IKZF3: variants seen among roughly 807,000 people sequenced by gnomAD.
IKZF3 encodes IKAROS family zinc finger 3.
In IKZF3, 10 loss-of-function variants were observed where a neutral mutation model predicts 49.0. The observed-to-expected ratio is 0.20, with a 90% CI of 0.13 to 0.35. The LOEUF (loss-of-function observed/expected upper bound fraction) is 0.35, where lower values mean the gene tolerates loss of function less well. IKZF3 is among the 10% of genes least tolerant of loss of function. The probability of loss-of-function intolerance (pLI) is 1.00; values close to 1 mark genes in which losing one functional copy is unlikely to be tolerated. For synonymous variants in IKZF3, 209 were observed against 228.2 expected, an observed-to-expected ratio of 0.92 and a Z score of 0.76; for missense variants, 498 against 664.8, an observed-to-expected ratio of 0.75 and a Z score of 2.76.
chr17:39,779,457 A>C lies in IKZF3; in HGVS notation c.710-1690T>G, dbSNP rs377346259. Among the ~76,000 whole-genome samples the C allele has an allele frequency of 8.5e-5, 13 of 152,264 alleles. No homozygotes were observed. In the South Asian group the frequency reaches 2.7e-3, roughly 32 times the overall value. ...GCCTGGGCAATAAGAGCAAAACTCC[A>C]TCTCCAAAAAATAAATAAATTAATT... On this transcript the variant is annotated intron_variant, in intron 6 of 7. Transcript: ENST00000346872.
intron 3 of IKZF3, 128 bp downstream of exon 3, chr17:39,829,259 A>T: frequency 1.6e-6 from 1 of 613,806 alleles, no homozygotes; most frequent in Non-Finnish European, 2.8e-6. Flanking sequence ...TTGTGAAATT[A>T]ACAAAACAGA....
intron 1 of IKZF3, chr17:39,839,436 T>C: frequency 1.7e-6 from 1 of 592,464 alleles, no homozygotes; most frequent in East Asian, 4.2e-5. Context: ...ATTACCAGTT[T>C]TCATCTAAAT....
intron 7 of IKZF3, among the ~76,000 whole-genome samples, chr17:39,774,873 G>A (rs183732861): frequency 9.8e-5 from 15 of 152,292 alleles, no homozygotes; most frequent in African/African-American, 3.6e-4. Flanking sequence ...CTAGGATATG[G>A]TTTATAGCAT....
intron 3 of IKZF3, among the ~76,000 whole-genome samples, chr17:39,813,871 C>T (rs2061618104): frequency 6.6e-6 from 1 of 152,160 alleles, no homozygotes; most frequent in African/African-American, 2.4e-5. Context: ...AACGGCACTT[C>T]CTTTTGAAGC....
At chr17:39,787,661 T>TG (rs2060905421) in intron 6 of IKZF3, among the ~76,000 whole-genome samples, 2 of 152,244 alleles carry the variant, frequency 1.3e-5, no homozygotes, top group Non-Finnish European at 2.9e-5. Context: ...CTTGCTTGAA[T>TG]TATTGCAATG....
chr17:39,845,928 A>C (rs2062619486), intron 1 of IKZF3, among the ~76,000 whole-genome samples: 1 of 152,234 alleles, frequency 6.6e-6, no homozygotes, highest in Non-Finnish European at 1.5e-5. Flanking sequence ...TATCCAGATA[A>C]AATATTTTTA....
chr17:39,798,812 TAC>T (rs1203156222), intron 3 of IKZF3, among the ~76,000 whole-genome samples: 1 of 152,110 alleles, frequency 6.6e-6, no homozygotes, highest in Non-Finnish European at 1.5e-5. Flanking sequence ...GCCACTGTCC[TAC>T]ACATTTTTAA....
chr17:39,775,419 C>T (rs888863975), intron 7 of IKZF3, among the ~76,000 whole-genome samples: 17 of 152,116 alleles, frequency 1.1e-4, no homozygotes, highest in Non-Finnish European at 2.2e-4. Context: ...AGCAAACAAA[C>T]GAAATAGATC....
intron 6 of IKZF3, among the ~76,000 whole-genome samples, chr17:39,783,942 A>AAAAAC (rs1345342159): frequency 6.6e-6 from 1 of 152,140 alleles, no homozygotes; most frequent in Non-Finnish European, 1.5e-5. Context: ...ACAAAAAACA[A>AAAAAC]AAAACAAAAC....
intron 1 of IKZF3, among the ~76,000 whole-genome samples, chr17:39,858,692 C>T (rs2063135736): frequency 6.6e-6 from 1 of 151,878 alleles, no homozygotes; most frequent in Admixed American, 6.6e-5. Flanking sequence ...TTAAATATCT[C>T]CTGGATTGGA....
intron 4 of IKZF3, 100 bp downstream of exon 4, chr17:39,792,573 A>G: frequency 8.0e-7 from 1 of 1,254,588 alleles, no homozygotes; most frequent in Non-Finnish European, 1.1e-6. Flanking sequence ...TATAGCAAAA[A>G]TCAATGAAAG....
In IKZF3 at chr17:39,797,378, A is replaced by G. The variant is rs535605930; in HGVS notation, c.164-4445T>C. The stretch of plus-strand genomic sequence containing the variant: ...TTTGTAATCCTCAACACTACTGACC[A>G]CTCACCATTCCTTGTTCTTCTGCAC... On this transcript the variant is annotated intron_variant, in intron 3 of 7. Transcript: ENST00000346872. Among the ~76,000 whole-genome samples, 5 of 147,470 alleles carry G rather than the reference A, an allele frequency of 3.4e-5. No homozygotes were observed. In the South Asian group the frequency reaches 1.1e-3, roughly 32 times the overall value.
intron 3 of IKZF3, among the ~76,000 whole-genome samples, chr17:39,799,688 C>T (rs1182207924): frequency 6.6e-6 from 1 of 152,202 alleles, no homozygotes; most frequent in Non-Finnish European, 1.5e-5. Context: ...AGCACAGCAG[C>T]AACATGACTA....
chr17:39,810,150 G>A (rs776059567), intron 3 of IKZF3, among the ~76,000 whole-genome samples: 3 of 152,110 alleles, frequency 2.0e-5, no homozygotes, highest in Non-Finnish European at 4.4e-5. Context: ...CTTTAAATAG[G>A]CTCAGGCTTA....
chr17:39,811,635 A>G (rs542501459), intron 3 of IKZF3, among the ~76,000 whole-genome samples: 1 of 152,320 alleles, frequency 6.6e-6, no homozygotes, highest in East Asian at 1.9e-4. Flanking sequence ...CACTACTAAA[A>G]TAAAAGACCC....
Position 39,758,299 on chromosome 17 carries a change from C to A in IKZF3, c.*7491G>T, listed in dbSNP as rs969328959. ...TGACCTGCTAATTCTTTGCAACCCA[C>A]AGTAATTTGGTTTCTGTGAACCCAC... On this transcript the variant is annotated 3_prime_UTR_variant, in exon 8 of 8. Transcript: ENST00000346872. The A allele has an allele frequency of 6.6e-6, 1 of 152,180 alleles. No homozygotes were observed. The highest frequency in any genetic ancestry group is 2.4e-5 in the African/African-American group (1 of 41,430). The allele number at this position is 152,180 out of a possible 1,614,324, so 9.4% of individuals were successfully genotyped here.
intron 3 of IKZF3, among the ~76,000 whole-genome samples, chr17:39,828,807 G>A (rs2062025893): frequency 6.6e-6 from 1 of 152,072 alleles, no homozygotes; most frequent in South Asian, 2.1e-4. Context: ...TGGCCAGCCT[G>A]GCCAACATGG....
Position 39,839,112 on chromosome 17 carries a change from T to C in IKZF3, c.8-6961A>G, listed in dbSNP as rs183751548. Among the ~76,000 whole-genome samples, 973 of 152,304 alleles carry C rather than the reference T, an allele frequency of 6.4e-3. 8 individuals carry two copies. Among genetic ancestry groups the C allele is most frequent in the Admixed American group, 9.9e-3 (152 of 15,300 alleles). ...TCCCAAAGAGCTGGGATTATAGGCA[T>C]GAGCCACCATGCCCAGTCCTTTTTG... On this transcript the variant is annotated intron_variant, in intron 1 of 7. Coordinates refer to ENST00000346872, the MANE Select transcript of IKZF3 (RefSeq NM_012481.5).
At chr17:39,819,440 T>C (rs1428865396) in intron 3 of IKZF3, among the ~76,000 whole-genome samples, 2 of 152,104 alleles carry the variant, frequency 1.3e-5, no homozygotes, top group Non-Finnish European at 2.9e-5. Flanking sequence ...CTTCAAGAAG[T>C]TGCACGAAGC....
Sources: gnomAD v4.1 joint callset for allele counts (sites outside exome capture counted in the v4.1 genomes callset) on GRCh38, gnomAD v4.1.1 for gene constraint, MANE v1.5 for transcripts, NCBI Gene and HGNC (gene_info 2026-07-23, HGNC 2026-07-21) for gene names.